The following PRMT1 variants were observed in gnomAD, a reference collection of about 807,000 sequenced individuals.
The protein encoded by PRMT1 is protein arginine N-methyltransferase 1.
In PRMT1, 5 loss-of-function variants were observed where a neutral mutation model predicts 47.4. That is an observed-to-expected ratio of 0.11 (90% CI 0.06 to 0.22). The LOEUF is 0.22. Among genes scored for constraint, PRMT1 ranks in the 10% least tolerant of loss-of-function variants. The pLI, the probability that PRMT1 is intolerant of heterozygous loss-of-function variation, is 1.00. For missense variants in PRMT1, 249 were observed against 518.4 expected, an observed-to-expected ratio of 0.48 and a Z score of 5.05; for synonymous variants, 227 against 204.6, an observed-to-expected ratio of 1.11 and a Z score of -0.94.
intron 5 of PRMT1, among the ~76,000 whole-genome samples, chr19:49,682,877 C>T (rs540396897): frequency 4.3e-4 from 64 of 148,418 alleles, no homozygotes; most frequent in Non-Finnish European, 7.1e-4. Flanking sequence ...GCTCCGCCTC[C>T]TGGGTTCAAG....
At chr19:49,687,516 C>CT (rs2082225998) in intron 10 of PRMT1, among the ~76,000 whole-genome samples, 1 of 150,070 alleles carries the variant, frequency 6.7e-6, no homozygotes, top group African/African-American at 2.5e-5. Flanking sequence ...CGCTCCCCGC[C>CT]CCCCCCCAGG....
At chr19:49,686,051 G>C in intron 8 of PRMT1, 42 bp from the exon 9 acceptor site, 1 of 1,592,292 alleles carries the variant, frequency 6.3e-7, no homozygotes, top group South Asian at 1.1e-5. Flanking sequence ...GATGAAGCGA[G>C]GTGGGGACGC....
Position 49,681,807 on chromosome 19 carries a change from A to G in PRMT1, c.193-103A>G. ...AGGGAAACTGAGGTGCATGGAAGAA[A>G]GCGAGAGGGCCGAGCTCTGGCCCTC... On this transcript the variant is annotated intron_variant, in intron 3 of 10. Coordinates refer to ENST00000454376, the MANE Select transcript of PRMT1 (RefSeq NM_001536.6). The surrounding 1 kb of genome is among the most constrained non-coding windows in gnomAD (Gnocchi z 4.4). 9.1e-7 allele frequency: 1 copy of G among 1,100,114 alleles called. No homozygotes were observed. The highest frequency in any genetic ancestry group is 1.2e-6 in the Non-Finnish European group (1 of 803,858). 68.1% of individuals were successfully genotyped at this position (1,100,114 alleles called of 1,614,324 possible). A position where few individuals can be genotyped will look rare whatever the true frequency, so the allele number is the denominator to read the frequency against.
chr19:49,679,818 C>T (rs1340474440), intron 1 of PRMT1, 54 bp from the exon 2 acceptor site: 4 of 1,461,126 alleles, frequency 2.7e-6, no homozygotes, highest in African/African-American at 2.8e-5. Flanking sequence ...GCCACCCAGC[C>T]CTCCCACAGC....
rs755187230 is a variant in PRMT1, at chr19:49,685,143, T to C, written c.759+106T>C. 6.4e-7 allele frequency: 1 copy of C among 1,569,106 alleles called. No individual in the cohort carries two copies. The highest frequency in any genetic ancestry group is 8.6e-7 in the Non-Finnish European group (1 of 1,157,572). ...GGGCCCAGAATGTTGGCCTGAGGTC[T>C]CAGAGCCTGATCTGCCAGCCAGAGG... is the stretch of plus-strand genomic sequence containing the variant. On this transcript the variant is annotated intron_variant, in intron 8 of 10. Coordinates refer to ENST00000454376, the MANE Select transcript of PRMT1 (RefSeq NM_001536.6). This position sits in a 1 kb window ranked among gnomAD's most constrained non-coding sequence, Gnocchi z 4.7.
chr19:49,683,107 C>T (rs1463935393), intron 5 of PRMT1, among the ~76,000 whole-genome samples: 3 of 150,064 alleles, frequency 2.0e-5, no homozygotes, highest in Non-Finnish European at 3.0e-5. Flanking sequence ...TTAGTTGAGA[C>T]ATGGTTTCAC....
chr19:49,681,994 C>G lies in PRMT1; in HGVS notation c.277C>G (p.Leu93Val). 1 of 1,614,210 alleles carries G rather than the reference C, an allele frequency of 6.2e-7. No homozygotes were observed. The highest frequency in any genetic ancestry group is 1.3e-5 in the African/African-American group (1 of 75,070). Residue 93 changes from leucine to valine, a missense_variant, in exon 4 of 11, where the codon CTG becomes GTG. Transcript: ENST00000454376. The surrounding 1 kb of genome is among the most constrained non-coding windows in gnomAD (Gnocchi z 4.4). The part of the protein sequence containing the change: ...NRHLFKDKVV[L>V]DVGSGTGILC... ...GCACCTCTTCAAGGACAAGGTGGTGCTGGACGTCGGCTCGGGCACCGGCAT... is the reference window on the plus strand; with the variant it reads ...GCACCTCTTCAAGGACAAGGTGGTGGTGGACGTCGGCTCGGGCACCGGCAT...
Position 49,677,274 on chromosome 19 carries a change from G to A in PRMT1, c.-7G>A, listed in dbSNP as rs1010805679. The stretch of plus-strand genomic sequence containing the variant: ...GGCGGCCGGAGGAGGAGTAGGTGCG[G>A]GTGAAGATGGCGGCAGCCGAGGCCG... On this transcript the variant is annotated 5_prime_UTR_variant, in exon 1 of 11. Coordinates refer to ENST00000454376, the MANE Select transcript of PRMT1 (RefSeq NM_001536.6). 11 of 1,421,296 alleles carry A rather than the reference G, an allele frequency of 7.7e-6. No homozygotes were observed. The highest frequency in any genetic ancestry group is 2.8e-5 in the Admixed American group (1 of 36,014). 88.0% of individuals were successfully genotyped at this position (1,421,296 alleles called of 1,614,324 possible). A position where few individuals can be genotyped will look rare whatever the true frequency, so the allele number is the denominator to read the frequency against.
chr19:49,684,643 G>A lies in PRMT1; in HGVS notation c.556-111G>A, dbSNP rs763604513. On this transcript the variant is annotated intron_variant, in intron 6 of 10. Transcript: ENST00000454376. This position sits in a 1 kb window ranked among gnomAD's most constrained non-coding sequence, Gnocchi z 6.2. ...GACCAGGGGGCGAGGGGTGAGTGCC[G>A]CTGCGACATGAGGGTGGCCCAGACC... is the stretch of plus-strand genomic sequence containing the variant. 191 of 1,246,716 alleles carry A rather than the reference G, an allele frequency of 1.5e-4. No individual in the cohort carries two copies. Among genetic ancestry groups the A allele is most frequent in the Non-Finnish European group, 2.0e-4 (177 of 888,430 alleles). The allele number at this position is 1,246,716 out of a possible 1,614,324, so 77.2% of individuals were successfully genotyped here.
In PRMT1 at chr19:49,679,903, G is replaced by A. The variant is rs376787973; in HGVS notation, c.68G>A (p.Ser23Asn). The change falls in exon 2 of 11, where the codon AGC becomes AAC. Residue 23 changes from serine to asparagine, a missense_variant. Physicochemically the swap from Ser to Asn is conservative, Grantham distance 46 (BLOSUM62 1). Coordinates refer to ENST00000454376, the MANE Select transcript of PRMT1 (RefSeq NM_001536.6). Reference protein sequence around the residue: ...NFVATLANGMSLQPPLEEVSC... With the variant: ...NFVATLANGMNLQPPLEEVSC... Reference sequence around the variant, plus strand: ...GTAGCCACCTTGGCTAATGGGATGAGCCTCCAGCCGCCTCTTGAAGAAGTA... The same window carrying A: ...GTAGCCACCTTGGCTAATGGGATGAACCTCCAGCCGCCTCTTGAAGAAGTA... 6.2e-7 allele frequency: 1 copy of A among 1,612,680 alleles called. No individual in the cohort carries two copies. Among genetic ancestry groups the A allele is most frequent in the African/African-American group, 1.3e-5 (1 of 74,840 alleles).
intron 1 of PRMT1, 102 bp downstream of exon 1, chr19:49,677,418 A>G: frequency 1.9e-6 from 2 of 1,061,712 alleles, no homozygotes; most frequent in South Asian, 5.5e-5. Flanking sequence ...ATGGGGTTGG[A>G]GGTCCCCCGC....
rs1275677449 is a variant in PRMT1 at position 49,679,888 on chromosome 19, T to G, written c.53T>G (p.Leu18Trp). 3 of 1,612,912 alleles carry G rather than the reference T, an allele frequency of 1.9e-6. No homozygotes were observed. Residue 18 changes from leucine (L) to tryptophan (W), a missense_variant, in exon 2 of 11, where the codon TTG (leucine) becomes TGG (tryptophan). Around this residue, in one of 2 missense-constraint regions of PRMT1, gnomAD observed 59 missense variants for 61.7 expected, o/e 0.96. Transcript: ENST00000454376. ...NCIMENFVAT[L>W]ANGMSLQPPL... ...CTCTCCTAGAATTTTGTAGCCACCT[T>G]GGCTAATGGGATGAGCCTCCAGCCG...
rs985550314 is a variant in PRMT1 at position 49,680,698 on chromosome 19, G to A, written c.192+110G>A. 1.1e-5 allele frequency: 9 copies of A among 854,628 alleles called. No homozygotes were observed. In the Admixed American group the frequency reaches 1.2e-4, roughly 12 times the overall value. The allele number at this position is 854,628 out of a possible 1,614,324, so 52.9% of individuals were successfully genotyped here. Reference sequence around the variant, plus strand: ...GCACTGCTTCCCCTGGCCGCAGGCCGCCCCCCTGCCCCTCTGCTGCGCACT... The same window carrying A: ...GCACTGCTTCCCCTGGCCGCAGGCCACCCCCCTGCCCCTCTGCTGCGCACT... On this transcript the variant is annotated intron_variant, in intron 3 of 10. Transcript: ENST00000454376. The surrounding 1 kb of genome is among the most constrained non-coding windows in gnomAD (Gnocchi z 4.2).
At chr19:49,682,363 A>G in intron 5 of PRMT1, 104 bp downstream of exon 5, 1 of 1,240,108 alleles carries the variant, frequency 8.1e-7, no homozygotes, top group Non-Finnish European at 1.2e-6. Context: ...CCACAGATTC[A>G]GCAGCTCCCA....
chr19:49,677,722 C>A (rs565882240), intron 1 of PRMT1: 1 of 160,306 alleles, frequency 6.2e-6, no homozygotes, highest in Admixed American at 6.5e-5. Context: ...CCTCCTGACG[C>A]CCCCAGCCCT....
Position 49,688,281 on chromosome 19 carries a change from T to C in PRMT1, c.*36T>C, listed in dbSNP as rs1282392759. 2 of 1,604,164 alleles carry C rather than the reference T, an allele frequency of 1.2e-6. No individual in the cohort carries two copies. Among genetic ancestry groups the C allele is most frequent in the Admixed American group, 3.3e-5 (2 of 59,994 alleles). On this transcript the variant is annotated 3_prime_UTR_variant, in exon 11 of 11. Coordinates refer to ENST00000454376, the MANE Select transcript of PRMT1 (RefSeq NM_001536.6). This position sits in a 1 kb window ranked among gnomAD's most constrained non-coding sequence, Gnocchi z 5.3. The stretch of plus-strand genomic sequence containing the variant: ...TCCCGCCCTGCACGAGCCCAGGGGC[T>C]GAGCGTTCCTAGGCGGTTTCGGGGC...
rs1415622054 is a variant in PRMT1 at position 49,688,385 on chromosome 19, CTG to C, written c.*144_*145del. The C allele has an allele frequency of 3.7e-5, 27 of 722,696 alleles. No homozygotes were observed. The highest frequency in any genetic ancestry group is 3.2e-4 in the Middle Eastern group (1 of 3,092). The allele number at this position is 722,696 out of a possible 1,614,324, so 44.8% of individuals were successfully genotyped here. A position where few individuals can be genotyped will look rare whatever the true frequency, so the allele number is the denominator to read the frequency against. On this transcript the variant is annotated 3_prime_UTR_variant, in exon 11 of 11. Transcript: ENST00000454376. This position sits in a 1 kb window ranked among gnomAD's most constrained non-coding sequence, Gnocchi z 5.3. ...GGGGGATGGGGAGGGCACATCGTGA[CTG>C]TGTTTTTCATAACTTATGTTTTTAT...
chr19:49,677,769 A>G (rs1256096120), intron 1 of PRMT1, among the ~76,000 whole-genome samples: 2 of 152,056 alleles, frequency 1.3e-5, no homozygotes, highest in Non-Finnish European at 2.9e-5. Context: ...GTGGGGTGTG[A>G]TCGACCTGGG....
rs1340390075 is a variant in PRMT1, at chr19:49,685,306, C to T, written c.759+269C>T. ...GCAGCTAAAGCCCACAGCCCATGCA[C>T]GGAAAGGCAGGACCCCAGGGCGATG... On this transcript the variant is annotated intron_variant, in intron 8 of 10. Coordinates refer to ENST00000454376, the MANE Select transcript of PRMT1 (RefSeq NM_001536.6). The surrounding 1 kb of genome is among the most constrained non-coding windows in gnomAD (Gnocchi z 4.7). 21 of 1,383,748 alleles carry T rather than the reference C, an allele frequency of 1.5e-5. No homozygotes were observed. The African/African-American group carries it at 1.6e-4, about 11-fold the overall frequency. The allele number at this position is 1,383,748 out of a possible 1,614,324, so 85.7% of individuals were successfully genotyped here. A position where few individuals can be genotyped will look rare whatever the true frequency, so the allele number is the denominator to read the frequency against.
Sources: gnomAD v4.1 joint callset for allele counts (sites outside exome capture counted in the v4.1 genomes callset) on GRCh38, gnomAD v4.1.1 for gene constraint, gnomAD v4.1.1 regional missense constraint, Gnocchi (gnomAD v3.1) non-coding constraint, MANE v1.5 for transcripts, NCBI Gene and HGNC (gene_info 2026-07-23, HGNC 2026-07-21) for gene names.